Variants in NXN observed in about 807,000 individuals in gnomAD.
The protein encoded by NXN is nucleoredoxin 1.
NXN carries 16 observed loss-of-function variants against 48.6 expected under a neutral mutation model. The observed-to-expected ratio is 0.33, with a 90% confidence interval of 0.22 to 0.50. The LOEUF (loss-of-function observed/expected upper bound fraction) is 0.50. Among genes scored for constraint, NXN ranks in the 20% least tolerant of loss-of-function variants. The pLI, the probability that NXN is intolerant of heterozygous loss-of-function variation, is 0.98. For synonymous variants in NXN, 281 were observed against 269.6 expected (o/e 1.04, Z -0.41); for missense variants, 492 against 605.5 (o/e 0.81, Z 1.97).
intron 1 of NXN, among the ~76,000 whole-genome samples, chr17:887,689 CTCCATG>C (rs1567849341): frequency 2.0e-5 from 3 of 152,134 alleles, no homozygotes; most frequent in Non-Finnish European, 4.4e-5. Context: ...TTTCCATTCG[CTCCATG>C]TCAGTGAACC....
chr17:922,013 C>T (rs1443758171), intron 1 of NXN, among the ~76,000 whole-genome samples: 2 of 152,222 alleles, frequency 1.3e-5, no homozygotes, highest in East Asian at 3.8e-4. Flanking sequence ...CGCTGTCAAC[C>T]CAGCTCCCCA....
At chr17:896,793 TACAATAG>T (rs775772858) in intron 1 of NXN, 2 of 1,038,284 alleles carry the variant, frequency 1.9e-6, no homozygotes, top group Non-Finnish European at 2.4e-6. Context: ...CTAAATTCTC[TACAATAG>T]ACACTTGAAC....
intron 1 of NXN, among the ~76,000 whole-genome samples, chr17:850,258 G>T (rs1466200026): frequency 6.6e-6 from 1 of 152,094 alleles, no homozygotes; most frequent in African/African-American, 2.4e-5. Context: ...CGAGCCCCAG[G>T]GCCTGGGGAG....
intron 1 of NXN, among the ~76,000 whole-genome samples, chr17:865,722 G>C (rs1403727925): frequency 6.6e-6 from 1 of 151,056 alleles, no homozygotes. Context: ...AGTGGCTCAC[G>C]CCTGTAATCC....
intron 1 of NXN, among the ~76,000 whole-genome samples, chr17:870,671 G>C (rs556260442): frequency 6.6e-6 from 1 of 151,778 alleles, no homozygotes; most frequent in African/African-American, 2.4e-5. Context: ...GGGAGGACTG[G>C]TTAAGCCTGG....
chr17:802,838 T>A (rs1418395901), intron 7 of NXN, among the ~76,000 whole-genome samples: 1 of 150,330 alleles, frequency 6.7e-6, no homozygotes, highest in African/African-American at 2.5e-5. Flanking sequence ...TCTCCTGGGA[T>A]CCAAACACAG....
chr17:957,139 C>G (rs1332490162), intron 1 of NXN, among the ~76,000 whole-genome samples: 4 of 121,294 alleles, frequency 3.3e-5, no homozygotes, highest in Admixed American at 2.5e-4. Context: ...TGAGACAAGG[C>G]AACAACGTGC....
At chr17:896,651 C>G (rs748456173) in intron 1 of NXN, among the ~76,000 whole-genome samples, 7 of 152,204 alleles carry the variant, frequency 4.6e-5, no homozygotes, top group Non-Finnish European at 8.8e-5. Context: ...ATTTATTAAA[C>G]TATCCAGTTC....
At chr17:907,965 T>C (rs1043482706) in intron 1 of NXN, 1 of 152,272 alleles carries the variant, frequency 6.6e-6, no homozygotes, top group East Asian at 1.9e-4. Flanking sequence ...TCCCTGAACC[T>C]GGGAGGTCTC....
chr17:834,184 G>A (rs540872797), intron 1 of NXN, among the ~76,000 whole-genome samples: 20 of 152,282 alleles, frequency 1.3e-4, no homozygotes, highest in South Asian at 6.2e-4. Context: ...TTAGCCAGGC[G>A]TGGTGGCCAC....
chr17:803,872 A>C (rs1030707270), intron 6 of NXN, 66 bp from the exon 7 acceptor site: 193 of 1,569,064 alleles, frequency 1.2e-4, no homozygotes, highest in East Asian at 7.4e-4. Context: ...ACAGAGCGGC[A>C]CCCGCCGAGG....
intron 5 of NXN, among the ~76,000 whole-genome samples, chr17:812,736 G>A (rs939491058): frequency 1.4e-5 from 2 of 145,364 alleles, no homozygotes; most frequent in Non-Finnish European, 1.5e-5. Flanking sequence ...TGTGAGTGTA[G>A]GGTGCGTGAG....
At chr17:853,246 C>A (rs1312100215) in intron 1 of NXN, among the ~76,000 whole-genome samples, 3 of 152,176 alleles carry the variant, frequency 2.0e-5, no homozygotes, top group Non-Finnish European at 4.4e-5. Context: ...GAGTTTGAGA[C>A]CAGCCTGGCC....
At chr17:865,263 G>A (rs2144791247) in intron 1 of NXN, among the ~76,000 whole-genome samples, 1 of 146,728 alleles carries the variant, frequency 6.8e-6, no homozygotes, top group East Asian at 2.0e-4. Flanking sequence ...TTTTTTTTGA[G>A]ACAGAGTCTC....
chr17:952,913 C>CAGAGCCAGGACCCACTTCTCCGTCCTGG (rs2069128749), intron 1 of NXN, among the ~76,000 whole-genome samples: 2 of 152,130 alleles, frequency 1.3e-5, no homozygotes, highest in African/African-American at 4.8e-5. Context: ...TGACGGCCAG[C>CAGAGCCAGGACCCACTTCTCCGTCCTGG]AGAGCCAGGA....
intron 1 of NXN, among the ~76,000 whole-genome samples, chr17:915,636 T>C (rs1567861139): frequency 6.6e-6 from 1 of 152,132 alleles, no homozygotes; most frequent in Admixed American, 6.6e-5. Flanking sequence ...AATGAGTACA[T>C]AGTGTAACGC....
intron 1 of NXN, among the ~76,000 whole-genome samples, chr17:936,063 G>A (rs1242049134): frequency 3.5e-5 from 5 of 144,340 alleles, no homozygotes; most frequent in South Asian, 2.2e-4. Context: ...CTGCACTCCA[G>A]CCTGGGCAAC....
chr17:887,687 C>T (rs1052780847), intron 1 of NXN, among the ~76,000 whole-genome samples: 2 of 152,090 alleles, frequency 1.3e-5, no homozygotes, highest in Non-Finnish European at 2.9e-5. Flanking sequence ...TTTTTCCATT[C>T]GCTCCATGTC....
rs1367687814 is a variant in NXN at position 819,448 on chromosome 17, C to T, written c.811G>A (p.Gly271Arg). 15 of 1,613,864 alleles carry T rather than the reference C, an allele frequency of 9.3e-6. No homozygotes were observed. The highest frequency in any genetic ancestry group is 1.3e-5 in the African/African-American group (1 of 74,940). ...ARRSRLNRLY[G>R]IQGIPTLIML... ...GGCCTGGAGCGCCTACCTTGGATTC[C>T]GTACAGCCGGTTGAGGCGCGACCGC... Residue 271 changes from glycine (G) to arginine (R), a missense_variant, in exon 5 of 8, where the codon GGA (glycine) becomes AGA (arginine). By Grantham distance (125) the Gly-to-Arg change is moderately radical (BLOSUM62 -2). Coordinates refer to ENST00000336868, the MANE Select transcript of NXN (RefSeq NM_022463.5).
Sources: allele counts gnomAD v4.1 joint callset (sites outside exome capture counted in the v4.1 genomes callset), GRCh38; gene constraint gnomAD v4.1.1; transcripts MANE v1.5; gene names NCBI Gene and HGNC (gene_info 2026-07-23, HGNC 2026-07-21).